Variants in DIP2C observed in about 807,000 individuals in gnomAD.
DIP2C encodes the protein disco-interacting protein 2 homolog C.
DIP2C carries 33 observed loss-of-function variants against 192.4 expected under a neutral mutation model. The observed-to-expected ratio is 0.17, with a 90% CI of 0.13 to 0.23. The LOEUF is 0.23. Among genes scored for constraint, DIP2C ranks in the 10% least tolerant of loss-of-function variants. The probability of loss-of-function intolerance (pLI) is 1.00; values close to 1 mark genes in which losing one functional copy is unlikely to be tolerated. For synonymous variants in DIP2C, 979 were observed against 864.1 expected, an observed-to-expected ratio of 1.13 and a Z score of -2.33; for missense variants, 1,537 against 2,110.1, an observed-to-expected ratio of 0.73 and a Z score of 5.32.
intron 31 of DIP2C, among the ~76,000 whole-genome samples, chr10:312,202 C>G (rs1956595360): frequency 6.6e-6 from 1 of 152,198 alleles, no homozygotes; most frequent in Admixed American, 6.5e-5. Context: ...GAGACACCAA[C>G]TTCTGTTTTC....
At chr10:587,051 C>T (rs373847157) in intron 1 of DIP2C, among the ~76,000 whole-genome samples, 60 of 141,756 alleles carry the variant, frequency 4.2e-4, no homozygotes, top group South Asian at 1.3e-3. Context: ...CTGCTGACAG[C>T]GTGGCGAGGG....
intron 2 of DIP2C, among the ~76,000 whole-genome samples, chr10:483,377 G>A (rs187073256): frequency 4.6e-5 from 7 of 152,370 alleles, no homozygotes; most frequent in African/African-American, 1.7e-4. Context: ...CCTCGGCTTT[G>A]GAAACGTCTG....
At chr10:638,058 GAGACACA>G (rs1200333540) in intron 1 of DIP2C, among the ~76,000 whole-genome samples, 2 of 152,298 alleles carry the variant, frequency 1.3e-5, no homozygotes, top group East Asian at 3.9e-4. Flanking sequence ...TGAAGCCCCC[GAGACACA>G]GCCCCGGCCA....
intron 1 of DIP2C, among the ~76,000 whole-genome samples, chr10:580,839 T>C (rs1037128946): frequency 2.0e-5 from 3 of 151,828 alleles, no homozygotes; most frequent in African/African-American, 7.3e-5. Context: ...GCAACCACTT[T>C]CTGTCAGAGC....
intron 1 of DIP2C, among the ~76,000 whole-genome samples, chr10:579,362 TACAA>T (rs1461655459): frequency 6.6e-4 from 100 of 151,960 alleles, no homozygotes; most frequent in African/African-American, 2.0e-3. Context: ...AAATGTAGTG[TACAA>T]ACAAGTTCAC....
At chr10:622,647 T>C (rs1401877375) in intron 1 of DIP2C, among the ~76,000 whole-genome samples, 1 of 152,188 alleles carries the variant, frequency 6.6e-6, no homozygotes, top group Non-Finnish European at 1.5e-5. Flanking sequence ...CTCTCTATGC[T>C]TGAGTCCATT....
At chr10:349,275 G>C in intron 25 of DIP2C, 56 bp downstream of exon 25, 1 of 1,574,574 alleles carries the variant, frequency 6.4e-7, no homozygotes, top group African/African-American at 1.3e-5. Context: ...GGACCTCCTC[G>C]CACCGCGGCT....
At chr10:360,354 G>A (rs1328768969) in intron 22 of DIP2C, among the ~76,000 whole-genome samples, 2 of 152,216 alleles carry the variant, frequency 1.3e-5, no homozygotes, top group East Asian at 1.9e-4. Context: ...TCACAGCCTC[G>A]CCATTTAAGC....
chr10:323,445 G>GGCTCCGGC (rs1248141952), intron 31 of DIP2C, among the ~76,000 whole-genome samples: 2 of 53,796 alleles, frequency 3.7e-5, no homozygotes, highest in Admixed American at 1.9e-4. Flanking sequence ...GGGGGTGCGG[G>GGCTCCGGC]GCTCCAGCGA....
chr10:626,149 C>T (rs752131368), intron 1 of DIP2C, among the ~76,000 whole-genome samples: 5 of 152,216 alleles, frequency 3.3e-5, no homozygotes, highest in Admixed American at 6.5e-5. Flanking sequence ...CTGACACTAA[C>T]GAGTGCCGAT....
chr10:384,735 G>A lies in DIP2C; in HGVS notation c.1663-96C>T, dbSNP rs537480405. On this transcript the variant is annotated intron_variant, in intron 14 of 36. Transcript: ENST00000280886. ...CATGGACACTAGGCCGCACGGGCAG[G>A]GGGGAGCTCTCAGGGAGCGCTGCAG... The A allele has an allele frequency of 1.1e-3, 1,354 of 1,258,968 alleles. 15 individuals are homozygous for A. In the African/African-American group the frequency reaches 0.016, roughly 15 times the overall value. The allele number at this position is 1,258,968 out of a possible 1,614,324, so 78.0% of individuals were successfully genotyped here.
At chr10:573,706 G>A (rs1353729378) in intron 1 of DIP2C, among the ~76,000 whole-genome samples, 2 of 151,930 alleles carry the variant, frequency 1.3e-5, no homozygotes, top group Admixed American at 6.6e-5. Flanking sequence ...CATCACGCCG[G>A]CTTTTTTTTT....
intron 9 of DIP2C, among the ~76,000 whole-genome samples, chr10:400,943 C>T (rs1174837784): frequency 1.6e-4 from 22 of 138,558 alleles, no homozygotes; most frequent in Admixed American, 2.9e-4. Context: ...TGATTTTACA[C>T]GTGTGGCAGC....
At chr10:521,829 G>C (rs1347585755) in intron 1 of DIP2C, among the ~76,000 whole-genome samples, 2 of 152,112 alleles carry the variant, frequency 1.3e-5, no homozygotes, top group Non-Finnish European at 2.9e-5. Flanking sequence ...GGAAAGCACA[G>C]AGTCCTCACG....
chr10:301,956 C>T (rs1451929482), intron 32 of DIP2C, among the ~76,000 whole-genome samples: 1 of 151,296 alleles, frequency 6.6e-6, no homozygotes, highest in African/African-American at 2.4e-5. Context: ...GGTTTTCCCA[C>T]TGGTTTTCAA....
At chr10:683,359 G>A (rs1831198776) in intron 1 of DIP2C, among the ~76,000 whole-genome samples, 2 of 152,210 alleles carry the variant, frequency 1.3e-5, no homozygotes, top group Non-Finnish European at 2.9e-5. Flanking sequence ...CACTGTTTAT[G>A]ATCATCACCA....
At chr10:323,872 G>A (rs1452060981) in intron 31 of DIP2C, among the ~76,000 whole-genome samples, 2 of 152,170 alleles carry the variant, frequency 1.3e-5, no homozygotes, top group Non-Finnish European at 1.5e-5. Flanking sequence ...GCCAGGGAGC[G>A]AGAGGTGGTT....
intron 1 of DIP2C, among the ~76,000 whole-genome samples, chr10:590,680 G>C (rs1851347397): frequency 6.6e-6 from 1 of 152,182 alleles, no homozygotes. Flanking sequence ...ATCTCTACAA[G>C]TTAGACGGGT....
intron 3 of DIP2C, among the ~76,000 whole-genome samples, chr10:459,160 T>C (rs1390441658): frequency 6.6e-6 from 1 of 152,154 alleles, no homozygotes; most frequent in South Asian, 2.1e-4. Flanking sequence ...AAAAACAAGA[T>C]GTCACAGTCA....
Sources: allele counts gnomAD v4.1 joint callset (sites outside exome capture counted in the v4.1 genomes callset), GRCh38; gene constraint gnomAD v4.1.1; transcripts MANE v1.5; gene names NCBI Gene and HGNC (gene_info 2026-07-23, HGNC 2026-07-21).